PITPNC1: variants seen among roughly 807,000 people sequenced by gnomAD.
The protein encoded by PITPNC1 is cytoplasmic phosphatidylinositol transfer protein 1.
Under a neutral mutation model 44.7 loss-of-function variants are expected in PITPNC1, and 18 were observed. That is an observed-to-expected ratio of 0.40 (90% CI 0.28 to 0.60). The LOEUF (loss-of-function observed/expected upper bound fraction) is 0.60, where lower values mean the gene tolerates loss of function less well. Ranked by LOEUF, PITPNC1 falls within the 20% of genes least tolerant of loss-of-function variation. The pLI, the probability that PITPNC1 is intolerant of heterozygous loss-of-function variation, is 0.39. For missense variants in PITPNC1, 290 were observed against 418.4 expected, an observed-to-expected ratio of 0.69 and a Z score of 2.68; for synonymous variants, 141 against 149.6, an observed-to-expected ratio of 0.94 and a Z score of 0.42.
intron 1 of PITPNC1, among the ~76,000 whole-genome samples, chr17:67,412,194 A>G (rs2038509671): frequency 6.6e-6 from 1 of 152,206 alleles, no homozygotes; most frequent in South Asian, 2.1e-4. Flanking sequence ...AATAGCCATT[A>G]ATACTACTCC....
chr17:67,650,087 G>A (rs2042193336), intron 6 of PITPNC1, among the ~76,000 whole-genome samples: 1 of 152,126 alleles, frequency 6.6e-6, no homozygotes, highest in Non-Finnish European at 1.5e-5. Flanking sequence ...GCCATCTTGA[G>A]GCCATCTAGG....
chr17:67,423,128 T>C (rs2038695454), intron 1 of PITPNC1, among the ~76,000 whole-genome samples: 2 of 151,940 alleles, frequency 1.3e-5, no homozygotes, highest in South Asian at 2.1e-4. Flanking sequence ...TGCTGGGGAG[T>C]GTGAGTCAGC....
intron 2 of PITPNC1, among the ~76,000 whole-genome samples, chr17:67,540,533 T>C (rs1331100128): frequency 6.6e-6 from 1 of 152,226 alleles, no homozygotes; most frequent in Admixed American, 6.5e-5. Flanking sequence ...AATTTAAAAA[T>C]AAAATCGAAA....
intron 1 of PITPNC1, among the ~76,000 whole-genome samples, chr17:67,502,739 CATTGCATTGTATTGT>C (rs1233758761): frequency 3.0e-5 from 4 of 133,644 alleles, no homozygotes; most frequent in Non-Finnish European, 4.7e-5. Context: ...TATTGCATTG[CATTGCATTGTATTGT>C]ATTGTATTGT....
chr17:67,381,518 G>C (rs2037959940), intron 1 of PITPNC1, among the ~76,000 whole-genome samples: 5 of 149,552 alleles, frequency 3.3e-5, no homozygotes, highest in Admixed American at 3.3e-4. Context: ...CCAGGCTGGA[G>C]CGCAGTGGTG....
intron 1 of PITPNC1, among the ~76,000 whole-genome samples, chr17:67,523,688 A>G (rs1007944039): frequency 6.6e-6 from 1 of 152,102 alleles, no homozygotes; most frequent in Non-Finnish European, 1.5e-5. Flanking sequence ...CCCACTGTGA[A>G]CAATTATCAC....
At chr17:67,460,297 C>T (rs2039316943) in intron 1 of PITPNC1, among the ~76,000 whole-genome samples, 1 of 152,190 alleles carries the variant, frequency 6.6e-6, no homozygotes. Flanking sequence ...ACTCACTCCG[C>T]TGCAGGGTTT....
At position 67,442,390 on chromosome 17, in the gene PITPNC1, G is replaced by A. The variant is rs574596699; in HGVS notation, c.48+64188G>A. 3.7e-3 allele frequency among the ~76,000 whole-genome samples: 562 copies of A among 151,210 alleles called. 3 individuals carry two copies. Among genetic ancestry groups the A allele is most frequent in the Non-Finnish European group, 6.6e-3 (444 of 67,750 alleles). On this transcript the variant is annotated intron_variant, in intron 1 of 8. Transcript: ENST00000581322. ...TTGTCAACCCTCGTAAGCCCGCCCA[G>A]TGGATGAGGTGGTGGGAGATGACGA...
intron 1 of PITPNC1, chr17:67,379,387 G>A: frequency 2.0e-6 from 2 of 985,130 alleles, no homozygotes; most frequent in Non-Finnish European, 2.4e-6. Context: ...TGGACCAAGG[G>A]TTAAGGTAAG....
intron 1 of PITPNC1, among the ~76,000 whole-genome samples, chr17:67,425,641 C>T (rs2038753534): frequency 6.6e-6 from 1 of 151,800 alleles, no homozygotes; most frequent in Non-Finnish European, 1.5e-5. Flanking sequence ...CCTGCCTCCA[C>T]CTCCCAAGTA....
intron 6 of PITPNC1, among the ~76,000 whole-genome samples, chr17:67,664,578 A>G (rs1247630833): frequency 6.6e-6 from 1 of 151,826 alleles, no homozygotes; most frequent in Non-Finnish European, 1.5e-5. Flanking sequence ...GCATTTTTTC[A>G]TGTTTCTCGG....
At position 67,673,716 on chromosome 17, in the gene PITPNC1, C is replaced by T. The variant is rs2042550439; in HGVS notation, c.619-1763C>T. The stretch of plus-strand genomic sequence containing the variant: ...CTGTAATCCCAGCACTTTGGGAGGC[C>T]GAGGCAGGCAGATCACAAGATCAGG... On this transcript the variant is annotated intron_variant, in intron 7 of 8. Transcript: ENST00000581322. Among the ~76,000 whole-genome samples, 7 of 151,896 alleles carry T rather than the reference C, an allele frequency of 4.6e-5. 1 individual carries two copies. In the South Asian group the frequency reaches 1.3e-3, roughly 27 times the overall value.
rs952711803 is a variant in PITPNC1, at chr17:67,597,902, C to T, written c.366+19645C>T. ...GTAGATCAGATGATAGAGAATGCAG[C>T]CCGAGATTTAAAGCAGTGACAGTAG... On this transcript the variant is annotated intron_variant, in intron 5 of 8. Transcript: ENST00000581322. The surrounding 1 kb of genome is among the most constrained non-coding windows in gnomAD (Gnocchi z 4.0). Among the ~76,000 whole-genome samples, 4 of 152,008 alleles carry T rather than the reference C, an allele frequency of 2.6e-5. 1 individual carries two copies. The South Asian group carries it at 8.3e-4, about 32-fold the overall frequency.
intron 1 of PITPNC1, among the ~76,000 whole-genome samples, chr17:67,413,123 T>A (rs1303993324): frequency 3.9e-5 from 6 of 152,224 alleles, no homozygotes; most frequent in Admixed American, 3.9e-4. Context: ...GGAGGTTAGA[T>A]CATCCAGAAA....
chr17:67,609,640 A>G (rs988644111), intron 5 of PITPNC1, among the ~76,000 whole-genome samples: 4 of 152,082 alleles, frequency 2.6e-5, no homozygotes, highest in African/African-American at 9.7e-5. Flanking sequence ...CCTGTGCTGA[A>G]AAGTCACCCC....
chr17:67,403,892 G>A (rs575862060), intron 1 of PITPNC1, among the ~76,000 whole-genome samples: 1 of 152,264 alleles, frequency 6.6e-6, no homozygotes, highest in East Asian at 1.9e-4. Flanking sequence ...TGTGGTGGCA[G>A]GTGCCTGTAA....
intron 1 of PITPNC1, among the ~76,000 whole-genome samples, chr17:67,496,493 G>A (rs1427273853): frequency 2.0e-5 from 3 of 152,158 alleles, no homozygotes; most frequent in East Asian, 3.9e-4. Flanking sequence ...TGAGTGCACC[G>A]GTGACGACAA....
chr17:67,409,071 C>CATT (rs1313763889), intron 1 of PITPNC1, among the ~76,000 whole-genome samples: 1 of 80,512 alleles, frequency 1.2e-5, no homozygotes, highest in Non-Finnish European at 2.2e-5. Context: ...CAAATTCATT[C>CATT]TTTTTTTTTT....
At chr17:67,410,225 T>C (rs2038474498) in intron 1 of PITPNC1, among the ~76,000 whole-genome samples, 1 of 152,260 alleles carries the variant, frequency 6.6e-6, no homozygotes, top group Non-Finnish European at 1.5e-5. Context: ...TAGCAAGAAT[T>C]AAATAAGCAA....
Sources: allele counts gnomAD v4.1 joint callset (sites outside exome capture counted in the v4.1 genomes callset), GRCh38; gene constraint gnomAD v4.1.1; non-coding constraint Gnocchi (gnomAD v3.1); transcripts MANE v1.5; gene names NCBI Gene and HGNC (gene_info 2026-07-23, HGNC 2026-07-21).